WWC1: variants seen among roughly 807,000 people sequenced by gnomAD.
WWC1 encodes the protein protein KIBRA.
A neutral mutation model predicts 138.4 loss-of-function variants in WWC1; 55 were observed. That is an observed-to-expected ratio of 0.40 (90% CI 0.32 to 0.50). WWC1 has a LOEUF of 0.50. WWC1 is among the 20% of genes least tolerant of loss of function. WWC1 has a pLI of 0.72. For missense variants in WWC1, 1,226 were observed against 1,420.4 expected (o/e 0.86, Z 2.20); for synonymous variants, 524 against 564.9 (o/e 0.93, Z 1.03).
chr5:168,357,055 G>A (rs539853989), intron 1 of WWC1, among the ~76,000 whole-genome samples: 6 of 152,230 alleles, frequency 3.9e-5, no homozygotes, highest in South Asian at 4.1e-4. Context: ...GAATCCAAAA[G>A]CACCTTGAGG....
At chr5:168,293,528 G>A (rs1395116451) in intron 1 of WWC1, among the ~76,000 whole-genome samples, 1 of 152,082 alleles carries the variant, frequency 6.6e-6, no homozygotes, top group East Asian at 1.9e-4. Flanking sequence ...TTCATTCAGC[G>A]CTTCCTGGAT....
chr5:168,466,753 A>T (rs960212462), intron 21 of WWC1, among the ~76,000 whole-genome samples: 1 of 152,218 alleles, frequency 6.6e-6, no homozygotes, highest in Non-Finnish European at 1.5e-5. Context: ...TTATAGTTAG[A>T]TATTATGTTT....
intron 1 of WWC1, among the ~76,000 whole-genome samples, chr5:168,362,515 C>T (rs1775956711): frequency 6.6e-6 from 1 of 152,184 alleles, no homozygotes; most frequent in South Asian, 2.1e-4. Context: ...CCAGACAGTG[C>T]CTGTCCCCAA....
At chr5:168,432,848 T>A (rs1177514307) in intron 15 of WWC1, among the ~76,000 whole-genome samples, 2 of 152,208 alleles carry the variant, frequency 1.3e-5, no homozygotes, top group African/African-American at 4.8e-5. Flanking sequence ...TATACACCTC[T>A]CCGAGCCTCT....
chr5:168,463,182 G>A lies in WWC1; in HGVS notation c.2917-1547G>A, dbSNP rs972702702. ...ACAAATGCCTTACTTCACAGTTTCCGCTGGTCAGGAGCTTAAGCACAGGTT... is the reference window on the plus strand; with the variant it reads ...ACAAATGCCTTACTTCACAGTTTCCACTGGTCAGGAGCTTAAGCACAGGTT... On this transcript the variant is annotated intron_variant, in intron 20 of 22. Coordinates refer to ENST00000265293, the MANE Select transcript of WWC1 (RefSeq NM_015238.3). 6.6e-5 allele frequency among the ~76,000 whole-genome samples: 10 copies of A among 152,160 alleles called. No homozygotes were observed. The South Asian group carries it at 1.5e-3, about 22-fold the overall frequency.
At position 168,305,128 on chromosome 5, in the gene WWC1, A is replaced by AT. The variant is rs35062575; in HGVS notation, c.119+12876dup. On this transcript the variant is annotated intron_variant, in intron 1 of 22. Coordinates refer to ENST00000265293, the MANE Select transcript of WWC1 (RefSeq NM_015238.3). Reference sequence around the variant, plus strand: ...CATGAGCCACTGTGCCTGGCCCAGTATTTTTTTTTTTTTTTTTTTAGTAGA... The same window carrying AT: ...CATGAGCCACTGTGCCTGGCCCAGTATTTTTTTTTTTTTTTTTTTTAGTAGA... Among the ~76,000 whole-genome samples, 844 of 136,262 alleles carry AT rather than the reference A, an allele frequency of 6.2e-3. 8 individuals carry two copies. Among genetic ancestry groups the AT allele is most frequent in the African/African-American group, 0.02 (721 of 36,512 alleles). 89.4% of individuals were successfully genotyped at this position (136,262 alleles called of 152,430 possible). A position where few individuals can be genotyped will look rare whatever the true frequency, so the allele number is the denominator to read the frequency against.
chr5:168,348,472 C>T (rs560112668), intron 1 of WWC1, among the ~76,000 whole-genome samples: 15 of 152,194 alleles, frequency 9.9e-5, no homozygotes, highest in Non-Finnish European at 2.2e-4. Flanking sequence ...TTGTCCCTCT[C>T]CCTGAAGCAT....
chr5:168,406,716 C>T (rs992461978), intron 6 of WWC1, among the ~76,000 whole-genome samples: 1 of 151,704 alleles, frequency 6.6e-6, no homozygotes, highest in African/African-American at 2.4e-5. Flanking sequence ...CTGAGGCGGG[C>T]GGATCATGGG....
chr5:168,318,661 G>A (rs1771809463), intron 1 of WWC1, among the ~76,000 whole-genome samples: 1 of 151,372 alleles, frequency 6.6e-6, no homozygotes, highest in East Asian at 1.9e-4. Flanking sequence ...CTGGGTTCAA[G>A]CTATTCTCCT....
intron 15 of WWC1, among the ~76,000 whole-genome samples, chr5:168,434,387 C>T (rs895598644): frequency 1.8e-4 from 28 of 152,184 alleles, no homozygotes; most frequent in African/African-American, 5.1e-4. Flanking sequence ...TCCTCTCCCA[C>T]GCAGAGACTC....
At chr5:168,452,778 CCT>C (rs1437874526) in intron 17 of WWC1, among the ~76,000 whole-genome samples, 2 of 152,124 alleles carry the variant, frequency 1.3e-5, no homozygotes, top group African/African-American at 2.4e-5. Flanking sequence ...TCCTCCTCCT[CCT>C]CCTCCTCTTC....
At chr5:168,362,385 T>C (rs111835729) in intron 1 of WWC1, among the ~76,000 whole-genome samples, 16 of 152,300 alleles carry the variant, frequency 1.1e-4, no homozygotes, top group African/African-American at 3.8e-4. Flanking sequence ...TTGTCCAAGG[T>C]CACACAGCTA....
At chr5:168,405,374 T>C (rs1390586318) in intron 5 of WWC1, among the ~76,000 whole-genome samples, 1 of 152,214 alleles carries the variant, frequency 6.6e-6, no homozygotes, top group Non-Finnish European at 1.5e-5. Flanking sequence ...CCAGGTATAC[T>C]GCTAAATATC....
At chr5:168,349,749 G>A (rs1432661186) in intron 1 of WWC1, among the ~76,000 whole-genome samples, 2 of 152,110 alleles carry the variant, frequency 1.3e-5, no homozygotes, top group Non-Finnish European at 2.9e-5. Context: ...GGCTGGGAGT[G>A]GGGTTGGCTG....
rs529236078 is a variant in WWC1, at chr5:168,414,483, C to T, written c.1077C>T (p.Pro359=). Residue 359 remains proline (P), a synonymous_variant, in exon 9 of 23, where the codon CCC becomes CCT. Transcript: ENST00000265293. ...TGAAGGAGATGCGCTTCATCAGCCC[C>T]CGCAAGTGGACCCAGGGGGAGGTGG... The part of the protein sequence containing the change: ...ELLKEMRFIS[P]RKWTQGEVEQ... 1.3e-6 allele frequency: 2 copies of T among 1,562,922 alleles called. No individual in the cohort carries two copies. Among genetic ancestry groups the T allele is most frequent in the African/African-American group, 2.7e-5 (2 of 73,852 alleles).
intron 2 of WWC1, among the ~76,000 whole-genome samples, chr5:168,384,035 TGATA>T (rs1777851160): frequency 6.6e-6 from 1 of 152,364 alleles, no homozygotes; most frequent in African/African-American, 2.4e-5. Context: ...ATATTGATTT[TGATA>T]GATAGTTATT....
chr5:168,361,990 G>A (rs1775914143), intron 1 of WWC1, among the ~76,000 whole-genome samples: 2 of 152,172 alleles, frequency 1.3e-5, no homozygotes, highest in Admixed American at 6.5e-5. Flanking sequence ...GGCTGAGGCA[G>A]GAGAATCGCT....
At chr5:168,347,540 G>C (rs1469078951) in intron 1 of WWC1, among the ~76,000 whole-genome samples, 1 of 152,194 alleles carries the variant, frequency 6.6e-6, no homozygotes, top group Admixed American at 6.5e-5. Context: ...GTGTTTGTGG[G>C]TCCCCTGCTA....
chr5:168,415,370 T>C (rs988517442), intron 9 of WWC1: 57 of 151,208 alleles, frequency 3.8e-4, no homozygotes, highest in African/African-American at 1.4e-3. Context: ...AATATGCAAA[T>C]CAGCCTCATC....
Sources: allele counts gnomAD v4.1 joint callset (sites outside exome capture counted in the v4.1 genomes callset), GRCh38; gene constraint gnomAD v4.1.1; transcripts MANE v1.5; gene names NCBI Gene and HGNC (gene_info 2026-07-23, HGNC 2026-07-21).